ADARB1: variants seen among roughly 807,000 people sequenced by gnomAD.
The protein encoded by ADARB1 is double-stranded RNA-specific editase 1.
A neutral mutation model predicts 52.4 loss-of-function variants in ADARB1; 10 were observed. The ratio of observed to expected loss-of-function variants is 0.19; its 90% CI spans 0.12 to 0.32. The LOEUF is 0.32. ADARB1 is among the 10% of genes least tolerant of loss of function. The probability of loss-of-function intolerance (pLI) is 1.00; values close to 1 mark genes in which losing one functional copy is unlikely to be tolerated. For missense variants in ADARB1, 643 were observed against 922.3 expected, an observed-to-expected ratio of 0.70 and a Z score of 3.92; for synonymous variants, 349 against 371.1, an observed-to-expected ratio of 0.94 and a Z score of 0.68.
intron 2 of ADARB1, among the ~76,000 whole-genome samples, chr21:45,136,527 CAA>C (rs1162298435): frequency 2.0e-5 from 3 of 152,226 alleles, no homozygotes; most frequent in African/African-American, 7.2e-5. Context: ...TAGCAGCGCT[CAA>C]GAGAGAATCA....
intron 1 of ADARB1, among the ~76,000 whole-genome samples, chr21:45,090,890 G>T (rs1315131204): frequency 1.3e-5 from 2 of 152,058 alleles, no homozygotes; most frequent in Non-Finnish European, 2.9e-5. Context: ...TGCAGGGTTT[G>T]TAATGATTTT....
intron 2 of ADARB1, among the ~76,000 whole-genome samples, chr21:45,160,358 T>G (rs760772606): frequency 2.6e-5 from 4 of 152,282 alleles, no homozygotes; most frequent in African/African-American, 7.2e-5. Flanking sequence ...TCTGTTTGGT[T>G]GTTTTAACTC....
At chr21:45,217,150 C>T (rs916530895) in intron 9 of ADARB1, among the ~76,000 whole-genome samples, 1 of 151,886 alleles carries the variant, frequency 6.6e-6, no homozygotes, top group African/African-American at 2.4e-5. Flanking sequence ...CTTCTCTCTC[C>T]CACCATGGAC....
At chr21:45,217,155 A>G (rs947958564) in intron 9 of ADARB1, among the ~76,000 whole-genome samples, 2 of 152,026 alleles carry the variant, frequency 1.3e-5, no homozygotes, top group Non-Finnish European at 2.9e-5. Flanking sequence ...CTCTCCCACC[A>G]TGGACAATCT....
chr21:45,102,181 C>A (rs1483740986), intron 1 of ADARB1, among the ~76,000 whole-genome samples: 2 of 152,220 alleles, frequency 1.3e-5, no homozygotes, highest in African/African-American at 4.8e-5. Flanking sequence ...TGTGAGCCAC[C>A]ATGCCTGGCC....
Position 45,171,847 on chromosome 21 carries a change from A to G in ADARB1, c.28+163A>G, listed in dbSNP as rs907206630. 12 of 631,560 alleles carry G rather than the reference A, an allele frequency of 1.9e-5. No homozygotes were observed. In the South Asian group the frequency reaches 2.3e-4, roughly 12 times the overall value. The allele number at this position is 631,560 out of a possible 1,614,324, so 39.1% of individuals were successfully genotyped here. A position where few individuals can be genotyped will look rare whatever the true frequency, so the allele number is the denominator to read the frequency against. ...TTTTAATTTTTGGTGTGTTCTCTGC[A>G]ACAGGTGTCAGAATTTGCTGCAGAC... On this transcript the variant is annotated intron_variant, in intron 3 of 10. Transcript: ENST00000348831.
chr21:45,093,886 A>G (rs2086655097), intron 1 of ADARB1, among the ~76,000 whole-genome samples: 1 of 152,206 alleles, frequency 6.6e-6, no homozygotes, highest in Non-Finnish European at 1.5e-5. Context: ...TGCACAGCAC[A>G]TGGGGGCTCC....
rs1403686160 is a variant in ADARB1 at position 45,222,719 on chromosome 21, T to C, written c.*522T>C. 7 of 985,892 alleles carry C rather than the reference T, an allele frequency of 7.1e-6. No individual in the cohort carries two copies. In the South Asian group the frequency reaches 1.9e-4, roughly 26 times the overall value. The allele number at this position is 985,892 out of a possible 1,614,324, so 61.1% of individuals were successfully genotyped here. On this transcript the variant is annotated 3_prime_UTR_variant, in exon 11 of 11. Transcript: ENST00000348831. ...GTAGGAAATAGTAGCCTAAAGGAAA[T>C]CGCCACACGTCTGTCTAAACTTAGG...
chr21:45,204,763 T>C lies in ADARB1; in HGVS notation c.1747+27T>C. ...CAAGTATCTCTAGAGTGTGCTGATT[T>C]AATCTCTGTCTTGATTTTGCAATGT... On this transcript the variant is annotated intron_variant, in intron 9 of 10. Coordinates refer to ENST00000348831, the MANE Select transcript of ADARB1 (RefSeq NM_001112.4). This position sits in a 1 kb window ranked among gnomAD's most constrained non-coding sequence, Gnocchi z 4.4. The C allele has an allele frequency of 6.2e-7, 1 of 1,603,510 alleles. No homozygotes were observed. The highest frequency in any genetic ancestry group is 8.5e-7 in the Non-Finnish European group (1 of 1,172,548).
At chr21:45,174,026 T>C (rs1010887614) in intron 3 of ADARB1, among the ~76,000 whole-genome samples, 24 of 152,182 alleles carry the variant, frequency 1.6e-4, no homozygotes, top group African/African-American at 5.6e-4. Flanking sequence ...CCTCAAAGAT[T>C]GGCAGCCAAG....
At chr21:45,108,041 GC>G (rs1417390400) in intron 1 of ADARB1, among the ~76,000 whole-genome samples, 1 of 152,148 alleles carries the variant, frequency 6.6e-6, no homozygotes, top group Non-Finnish European at 1.5e-5. Context: ...CGGTGACAGA[GC>G]GAGACCCTGT....
In ADARB1 at chr21:45,120,626, C is replaced by T. The variant is rs1045319554; in HGVS notation, c.-219-7776C>T. Among the ~76,000 whole-genome samples, 81 of 152,224 alleles carry T rather than the reference C, an allele frequency of 5.3e-4. 1 individual carries two copies. The highest frequency in any genetic ancestry group is 1.9e-3 in the African/African-American group (80 of 41,454). ...CTAGGACCCTCTGAGGACACCACCC[C>T]TGCCACCGCATTGCTCTGGGGGCAA... On this transcript the variant is annotated intron_variant, in intron 1 of 10. Transcript: ENST00000348831.
At chr21:45,124,789 G>A (rs867151684) in intron 1 of ADARB1, among the ~76,000 whole-genome samples, 1 of 123,422 alleles carries the variant, frequency 8.1e-6, no homozygotes, top group African/African-American at 3.0e-5. Context: ...GTGTGTGTAT[G>A]TGTGTGTGTG....
chr21:45,176,486 G>A lies in ADARB1; in HGVS notation c.785G>A (p.Ser262Asn). 31 of 1,614,136 alleles carry A rather than the reference G, an allele frequency of 1.9e-5. No individual in the cohort carries two copies. The highest frequency in any genetic ancestry group is 2.6e-5 in the Non-Finnish European group (31 of 1,180,026). The change falls in exon 4 of 11, where the codon AGC becomes AAC. Residue 262 changes from serine to asparagine, a missense_variant. By Grantham distance (46) the Ser-to-Asn change is conservative (BLOSUM62 1). Around this residue, in one of 2 missense-constraint regions of ADARB1, gnomAD observed 380 missense variants for 446.5 expected, o/e 0.85. Coordinates refer to ENST00000348831, the MANE Select transcript of ADARB1 (RefSeq NM_001112.4). The surrounding 1 kb of genome is among the most constrained non-coding windows in gnomAD (Gnocchi z 5.8). ...LSESGESHAKSFVMSVVVDGQ... is the reference protein window; with the variant it reads ...LSESGESHAKNFVMSVVVDGQ... ...GAGAGCGGGGAGAGCCATGCCAAGA[G>A]CTTCGTCATGTCTGTGGTCGTGGAT...
chr21:45,109,877 G>T (rs1169679653), intron 1 of ADARB1, among the ~76,000 whole-genome samples: 3 of 152,144 alleles, frequency 2.0e-5, no homozygotes, highest in Non-Finnish European at 2.9e-5. Context: ...GTCAGTATGT[G>T]GTTTTCAGCC....
intron 1 of ADARB1, among the ~76,000 whole-genome samples, chr21:45,082,953 G>C (rs1374880513): frequency 6.6e-6 from 1 of 152,212 alleles, no homozygotes; most frequent in Non-Finnish European, 1.5e-5. Flanking sequence ...CTGCCACTCA[G>C]AGCCCTGGCT....
chr21:45,214,632 G>A (rs577423801), intron 9 of ADARB1, among the ~76,000 whole-genome samples: 3 of 152,146 alleles, frequency 2.0e-5, no homozygotes, highest in Non-Finnish European at 4.4e-5. Context: ...TTAGTGAAAG[G>A]TTCCTCATTT....
intron 2 of ADARB1, among the ~76,000 whole-genome samples, chr21:45,155,841 C>G (rs189621929): frequency 7.8e-6 from 1 of 128,616 alleles, no homozygotes; most frequent in African/African-American, 3.0e-5. Context: ...CATCCATCCA[C>G]CCACCCACCC....
At chr21:45,216,175 T>C (rs1015822497) in intron 9 of ADARB1, among the ~76,000 whole-genome samples, 1 of 152,182 alleles carries the variant, frequency 6.6e-6, no homozygotes, top group Non-Finnish European at 1.5e-5. Flanking sequence ...TTATCCCTTA[T>C]ATTGATGATT....
Sources: allele counts gnomAD v4.1 joint callset (sites outside exome capture counted in the v4.1 genomes callset), GRCh38; gene constraint gnomAD v4.1.1; regional missense constraint gnomAD v4.1.1; non-coding constraint Gnocchi (gnomAD v3.1); transcripts MANE v1.5; gene names NCBI Gene and HGNC (gene_info 2026-07-23, HGNC 2026-07-21).